Variants in ITGBL1 observed in about 807,000 individuals in gnomAD.
The protein encoded by ITGBL1 is integrin beta-like protein 1.
Under a neutral mutation model 68.5 loss-of-function variants are expected in ITGBL1, and 51 were observed. The observed-to-expected ratio is 0.74, with a 90% confidence interval of 0.59 to 0.94. The LOEUF (loss-of-function observed/expected upper bound fraction) is 0.94. Among genes scored for constraint, ITGBL1 ranks in the 40% least tolerant of loss-of-function variants. ITGBL1 has a pLI of 0.00. For synonymous variants in ITGBL1, 209 were observed against 227.3 expected (o/e 0.92, Z 0.72); for missense variants, 649 against 647.4 (o/e 1.00, Z -0.03).
At chr13:101,522,070 T>C (rs756716872) in intron 2 of ITGBL1, among the ~76,000 whole-genome samples, 2 of 151,860 alleles carry the variant, frequency 1.3e-5, no homozygotes, top group Non-Finnish European at 2.9e-5. Context: ...GAGAAAGAGA[T>C]TGAGTGCTCT....
chr13:101,531,234 T>A (rs565662614), intron 2 of ITGBL1, among the ~76,000 whole-genome samples: 8 of 152,324 alleles, frequency 5.3e-5, no homozygotes, highest in African/African-American at 1.9e-4. Flanking sequence ...CTAAAAGTTA[T>A]GGAATACAAA....
intron 7 of ITGBL1, among the ~76,000 whole-genome samples, chr13:101,671,830 G>A (rs189068162): frequency 2.0e-5 from 3 of 152,124 alleles, no homozygotes; most frequent in African/African-American, 7.2e-5. Flanking sequence ...GTATTCTTAT[G>A]TTTTTTAATG....
At chr13:101,563,968 G>T (rs1317225139) in intron 2 of ITGBL1, among the ~76,000 whole-genome samples, 1 of 151,768 alleles carries the variant, frequency 6.6e-6, no homozygotes, top group African/African-American at 2.4e-5. Context: ...CCAACCAAAT[G>T]AGGTATATCT....
At chr13:101,596,496 G>A (rs1238459191) in intron 6 of ITGBL1, among the ~76,000 whole-genome samples, 5 of 152,054 alleles carry the variant, frequency 3.3e-5, no homozygotes, top group Non-Finnish European at 7.4e-5. Context: ...TCTTGGTTGT[G>A]GTAATCATTT....
chr13:101,501,509 C>T (rs747329356), intron 2 of ITGBL1, among the ~76,000 whole-genome samples: 1 of 152,056 alleles, frequency 6.6e-6, no homozygotes, highest in Non-Finnish European at 1.5e-5. Context: ...CTGACATCCT[C>T]AACAACACTT....
At chr13:101,605,513 C>T (rs1272348805) in intron 7 of ITGBL1, among the ~76,000 whole-genome samples, 3 of 38,418 alleles carry the variant, frequency 7.8e-5, no homozygotes, top group African/African-American at 3.5e-4. Context: ...TATGCGTATA[C>T]ACATATAGAC....
At chr13:101,646,873 G>A (rs2032576310) in intron 7 of ITGBL1, among the ~76,000 whole-genome samples, 1 of 152,086 alleles carries the variant, frequency 6.6e-6, no homozygotes, top group South Asian at 2.1e-4. Context: ...TGCAAGAGAG[G>A]TTCAGTTGGA....
At chr13:101,703,346 A>G (rs746088809) in intron 8 of ITGBL1, among the ~76,000 whole-genome samples, 1 of 152,222 alleles carries the variant, frequency 6.6e-6, no homozygotes, top group Non-Finnish European at 1.5e-5. Flanking sequence ...CTGCAAAAAC[A>G]TGAGGTCAGA....
intron 7 of ITGBL1, among the ~76,000 whole-genome samples, chr13:101,671,660 G>A (rs190802207): frequency 5.0e-4 from 75 of 150,670 alleles, no homozygotes; most frequent in African/African-American, 1.7e-3. Flanking sequence ...GGATGGTCTC[G>A]ATCTCCTGAC....
intron 7 of ITGBL1, among the ~76,000 whole-genome samples, chr13:101,658,106 T>G (rs948427981): frequency 6.6e-6 from 1 of 152,136 alleles, no homozygotes; most frequent in African/African-American, 2.4e-5. Flanking sequence ...TGAAATTCTG[T>G]CAGGTATAAT....
At chr13:101,650,947 C>A (rs1010265203) in intron 7 of ITGBL1, among the ~76,000 whole-genome samples, 1 of 152,126 alleles carries the variant, frequency 6.6e-6, no homozygotes, top group Admixed American at 6.6e-5. Flanking sequence ...TTATGGATTC[C>A]AGCTCCATCC....
intron 3 of ITGBL1, among the ~76,000 whole-genome samples, chr13:101,568,741 G>A (rs1456777064): frequency 6.6e-6 from 1 of 152,036 alleles, no homozygotes; most frequent in Non-Finnish European, 1.5e-5. Flanking sequence ...AGCTCACATT[G>A]TTGGTAGGGC....
At chr13:101,459,531 T>G (rs2048289476) in intron 2 of ITGBL1, among the ~76,000 whole-genome samples, 1 of 152,082 alleles carries the variant, frequency 6.6e-6, no homozygotes, top group Admixed American at 6.5e-5. Context: ...TGGCTTGATC[T>G]CAGGAGTCTG....
At chr13:101,673,337 A>G (rs112692821) in intron 7 of ITGBL1, among the ~76,000 whole-genome samples, 2,897 of 152,310 alleles carry the variant, frequency 0.019, 92 homozygotes, top group African/African-American at 0.066. Context: ...AGCCTGCCCA[A>G]TGGGTAACTT....
intron 4 of ITGBL1, among the ~76,000 whole-genome samples, chr13:101,576,722 G>T (rs181834920): frequency 2.6e-5 from 4 of 152,138 alleles, no homozygotes; most frequent in African/African-American, 9.6e-5. Flanking sequence ...CTTATTTTAG[G>T]CCTGATTGGC....
intron 7 of ITGBL1, among the ~76,000 whole-genome samples, chr13:101,616,433 G>T (rs1044156801): frequency 1.3e-5 from 2 of 152,134 alleles, no homozygotes; most frequent in Non-Finnish European, 2.9e-5. Context: ...GGTATAAGTT[G>T]CTCAGAACTC....
At chr13:101,674,337 T>A (rs2033448912) in intron 7 of ITGBL1, among the ~76,000 whole-genome samples, 1 of 152,198 alleles carries the variant, frequency 6.6e-6, no homozygotes, top group Non-Finnish European at 1.5e-5. Flanking sequence ...AAAACCCTTG[T>A]CTTCTTTTGC....
intron 3 of ITGBL1, 70 bp downstream of exon 3, chr13:101,567,915 G>T (rs761045135): frequency 1.6e-6 from 2 of 1,266,618 alleles, no homozygotes; most frequent in Non-Finnish European, 2.2e-6. Context: ...AAATATGTGG[G>T]CGTGGAGAAA....
intron 2 of ITGBL1, among the ~76,000 whole-genome samples, chr13:101,487,484 G>A (rs551717853): frequency 1.3e-5 from 2 of 152,174 alleles, no homozygotes; most frequent in African/African-American, 4.8e-5. Context: ...GCTGAAATTG[G>A]CAATTATATT....
Sources: allele counts gnomAD v4.1 joint callset (sites outside exome capture counted in the v4.1 genomes callset), GRCh38; gene constraint gnomAD v4.1.1; transcripts MANE v1.5; gene names NCBI Gene and HGNC (gene_info 2026-07-23, HGNC 2026-07-21).